MACO1: variants seen among roughly 807,000 people sequenced by gnomAD.
MACO1 encodes macoilin 1, also known as macoilin.
A neutral mutation model predicts 78.7 loss-of-function variants in MACO1; 14 were observed. The observed-to-expected ratio is 0.18, with a 90% CI of 0.12 to 0.28. The LOEUF is 0.28. MACO1 is among the 10% of genes least tolerant of loss of function. The probability of loss-of-function intolerance (pLI) is 1.00; values close to 1 mark genes in which losing one functional copy is unlikely to be tolerated. For synonymous variants in MACO1, 288 were observed against 291.6 expected (o/e 0.99, Z 0.12); for missense variants, 501 against 799.0 (o/e 0.63, Z 4.50).
intron 10 of MACO1, among the ~76,000 whole-genome samples, chr1:25,494,771 T>C (rs915963165): frequency 1.3e-5 from 2 of 152,146 alleles, no homozygotes; most frequent in African/African-American, 4.8e-5. Context: ...GCAGAACAGA[T>C]ACAAGGAGTG....
chr1:25,452,602 A>G (rs2043076731), intron 3 of MACO1, among the ~76,000 whole-genome samples: 1 of 152,202 alleles, frequency 6.6e-6, no homozygotes, highest in Non-Finnish European at 1.5e-5. Context: ...GGAACCTTCA[A>G]CATATTTCAT....
intron 6 of MACO1, among the ~76,000 whole-genome samples, chr1:25,466,622 C>T (rs2043221910): frequency 6.6e-6 from 1 of 152,092 alleles, no homozygotes; most frequent in Non-Finnish European, 1.5e-5. Context: ...CAGTTCAGCC[C>T]ATTTTAAAAT....
In MACO1 at chr1:25,489,410, C is replaced by A; in HGVS notation, c.1617+117C>A. Reference sequence around the variant, plus strand: ...TAATATAGATCAAATCTCATTGCATCTGAAAAATCTCTATGTGACAAAAAG... The same window carrying A: ...TAATATAGATCAAATCTCATTGCATATGAAAAATCTCTATGTGACAAAAAG... On this transcript the variant is annotated intron_variant, in intron 9 of 10. Transcript: ENST00000374343. The A allele has an allele frequency of 3.4e-6, 4 of 1,181,228 alleles. No individual in the cohort carries two copies. The South Asian group carries it at 7.0e-5, about 21-fold the overall frequency. The allele number at this position is 1,181,228 out of a possible 1,614,324, so 73.2% of individuals were successfully genotyped here. A position where few individuals can be genotyped will look rare whatever the true frequency, so the allele number is the denominator to read the frequency against.
Position 25,491,511 on chromosome 1 carries a change from T to C in MACO1, c.1719T>C (p.Ser573=), listed in dbSNP as rs765105104. 3.6e-5 allele frequency: 58 copies of C among 1,614,136 alleles called. No homozygotes were observed. Among genetic ancestry groups the C allele is most frequent in the Non-Finnish European group, 4.9e-5 (58 of 1,180,052 alleles). ...CACAGCACCTGGAGAACAGCTTAAG[T>C]GCAGAGACGAGAATCAAGCTGGACC... ...DKTQHLENSL[S]AETRIKLDLF... is the part of the protein sequence containing the mutation. Residue 573 remains serine, a synonymous_variant, in exon 10 of 11, where the codon AGT becomes AGC. Transcript: ENST00000374343.
At chr1:25,475,057 C>T (rs928428908) in intron 6 of MACO1, among the ~76,000 whole-genome samples, 5 of 152,172 alleles carry the variant, frequency 3.3e-5, no homozygotes, top group Admixed American at 6.5e-5. Flanking sequence ...AAAACTGAGG[C>T]ATTCTCGGCC....
intron 6 of MACO1, among the ~76,000 whole-genome samples, chr1:25,474,413 G>A (rs1162215934): frequency 6.6e-6 from 1 of 152,144 alleles, no homozygotes; most frequent in East Asian, 1.9e-4. Context: ...CCTTTAGCAA[G>A]GACTTTTCTA....
intron 1 of MACO1, among the ~76,000 whole-genome samples, chr1:25,437,718 A>C (rs1557656745): frequency 6.6e-6 from 1 of 152,082 alleles, no homozygotes; most frequent in Non-Finnish European, 1.5e-5. Flanking sequence ...CCAGGAGTTC[A>C]AGACTAGCCT....
chr1:25,475,613 T>A (rs1388505908), intron 6 of MACO1, among the ~76,000 whole-genome samples: 1 of 151,864 alleles, frequency 6.6e-6, no homozygotes, highest in Non-Finnish European at 1.5e-5. Context: ...GGTTTTGGGT[T>A]GTTCTGAAAC....
intron 7 of MACO1, among the ~76,000 whole-genome samples, chr1:25,484,887 T>G (rs1047685871): frequency 6.6e-6 from 1 of 152,162 alleles, no homozygotes; most frequent in Non-Finnish European, 1.5e-5. Context: ...GAGTTCAACA[T>G]TTTTAAGGAA....
chr1:25,439,255 G>T (rs754045964), intron 1 of MACO1, among the ~76,000 whole-genome samples: 3 of 151,894 alleles, frequency 2.0e-5, no homozygotes, highest in Non-Finnish European at 2.9e-5. Context: ...AAATAGCCAG[G>T]CATGGTGGCT....
chr1:25,481,410 T>G (rs1166212522), intron 6 of MACO1, among the ~76,000 whole-genome samples: 1 of 152,106 alleles, frequency 6.6e-6, no homozygotes, highest in Non-Finnish European at 1.5e-5. Flanking sequence ...GCCTGGAAGA[T>G]TACACACCTT....
At chr1:25,495,371 C>A (rs1203807201) in intron 10 of MACO1, among the ~76,000 whole-genome samples, 1 of 152,086 alleles carries the variant, frequency 6.6e-6, no homozygotes, top group Non-Finnish European at 1.5e-5. Context: ...AAACTTAAAT[C>A]GGCAGGGAAA....
At chr1:25,431,404 C>G (rs1163074354) in intron 1 of MACO1, among the ~76,000 whole-genome samples, 1 of 147,480 alleles carries the variant, frequency 6.8e-6, no homozygotes, top group Non-Finnish European at 1.5e-5. Flanking sequence ...GCGGCGGGCG[C>G]TGGCTGAGGG....
At chr1:25,460,019 T>TTAGGAGGCTTTTAG (rs1320729534) in intron 6 of MACO1, among the ~76,000 whole-genome samples, 1 of 152,202 alleles carries the variant, frequency 6.6e-6, no homozygotes, top group East Asian at 1.9e-4. Flanking sequence ...CTTTAGGCAG[T>TTAGGAGGCTTTTAG]CCGTTTATTC....
chr1:25,498,377 G>C lies in MACO1; in HGVS notation c.1906G>C (p.Val636Leu). ...TGCCGCCACCAGCCCCCTGAGCCCT[G>C]TTTCCCCCCACTACTCTTCCAAATT... ...YSAATSPLSP[V>L]SPHYSSKFVE... The change falls in exon 11 of 11, where the codon GTT becomes CTT. Residue 636 changes from valine to leucine, a missense_variant. By Grantham distance (32) the Val-to-Leu change is conservative (BLOSUM62 1). Around this residue, in one of 5 missense-constraint regions of MACO1, gnomAD observed 66 missense variants for 101.6 expected, o/e 0.65. Coordinates refer to ENST00000374343, the MANE Select transcript of MACO1 (RefSeq NM_018202.6). 1.2e-6 allele frequency: 2 copies of C among 1,614,056 alleles called. No homozygotes were observed. Among genetic ancestry groups the C allele is most frequent in the South Asian group, 1.1e-5 (1 of 91,066 alleles).
intron 1 of MACO1, among the ~76,000 whole-genome samples, chr1:25,443,989 C>T (rs78213971): frequency 6.6e-6 from 1 of 150,826 alleles, no homozygotes; most frequent in South Asian, 2.1e-4. Flanking sequence ...CAGTGGCTCA[C>T]GCCTGTAATC....
intron 6 of MACO1, among the ~76,000 whole-genome samples, chr1:25,482,457 T>C (rs61775190): frequency 0.57 from 86,859 of 151,886 alleles, 26,320 homozygotes; most frequent in African/African-American, 0.77. Flanking sequence ...CAGTACAAGC[T>C]TTTCTCAGAA....
At chr1:25,466,031 AT>A (rs149324154) in intron 6 of MACO1, among the ~76,000 whole-genome samples, 13,483 of 152,232 alleles carry the variant, frequency 0.089, 1,949 homozygotes, top group African/African-American at 0.3. Flanking sequence ...ACTTAGGTTG[AT>A]TCCATATCTT....
At chr1:25,497,788 C>CA (rs1203570111) in intron 10 of MACO1, among the ~76,000 whole-genome samples, 3 of 152,154 alleles carry the variant, frequency 2.0e-5, no homozygotes, top group African/African-American at 7.2e-5. Context: ...TCTGTCCTCT[C>CA]AAAAAAATTC....
Sources: gnomAD v4.1 joint callset for allele counts (sites outside exome capture counted in the v4.1 genomes callset) on GRCh38, gnomAD v4.1.1 for gene constraint, gnomAD v4.1.1 regional missense constraint, MANE v1.5 for transcripts, NCBI Gene and HGNC (gene_info 2026-07-23, HGNC 2026-07-21) for gene names.